PSME4: variants seen among roughly 807,000 people sequenced by gnomAD.
PSME4 encodes the protein proteasome activator subunit 4, also known as proteasome activator complex subunit 4.
A neutral mutation model predicts 253.9 loss-of-function variants in PSME4; 89 were observed. The ratio of observed to expected loss-of-function variants is 0.35; its 90% CI spans 0.30 to 0.42. The LOEUF (loss-of-function observed/expected upper bound fraction) is 0.42. Among genes scored for constraint, PSME4 ranks in the 10% least tolerant of loss-of-function variants. The probability of loss-of-function intolerance (pLI) is 1.00; values close to 1 mark genes in which losing one functional copy is unlikely to be tolerated. For missense variants in PSME4, 2,014 were observed against 2,195.2 expected (o/e 0.92, Z 1.65); for synonymous variants, 851 against 759.2 (o/e 1.12, Z -1.99).
chr2:53,968,400 C>T (rs550826457), intron 1 of PSME4, among the ~76,000 whole-genome samples: 1 of 152,256 alleles, frequency 6.6e-6, no homozygotes, highest in South Asian at 2.1e-4. Context: ...ATTTTCTTTT[C>T]ATTACCACTT....
At chr2:53,885,924 G>C (rs1378468733) in intron 40 of PSME4, 149 bp from the exon 41 acceptor site, 3 of 513,932 alleles carry the variant, frequency 5.8e-6, no homozygotes, top group Non-Finnish European at 1.0e-5. Context: ...TCATAAATTA[G>C]ACACTTATTA....
At chr2:53,874,196 G>A in intron 43 of PSME4, 143 bp downstream of exon 43, 1 of 797,396 alleles carries the variant, frequency 1.3e-6, no homozygotes, top group Non-Finnish European at 1.9e-6. Context: ...CTGGCATCAA[G>A]TGATCTCACT....
intron 3 of PSME4, among the ~76,000 whole-genome samples, chr2:53,944,661 A>G (rs1163925214): frequency 6.6e-6 from 1 of 152,200 alleles, no homozygotes; most frequent in East Asian, 1.9e-4. Flanking sequence ...TTGTAATTAC[A>G]TATCATCCAT....
chr2:53,934,839 G>C lies in PSME4; in HGVS notation c.835-112C>G. 9.7e-6 allele frequency: 8 copies of C among 828,452 alleles called. No individual in the cohort carries two copies. The South Asian group carries it at 1.6e-4, about 17-fold the overall frequency. The allele number at this position is 828,452 out of a possible 1,614,324, so 51.3% of individuals were successfully genotyped here. On this transcript the variant is annotated intron_variant, in intron 7 of 46. Transcript: ENST00000404125. ...AAGATATTTTCATTTTATCACAAGG[G>C]TTTTTAAGTGAAATTACATAGTATT...
rs559451605 is a variant in PSME4, at chr2:53,900,337, C to G, written c.3286-320G>C. Reference sequence around the variant, plus strand: ...ACTTTGGGAGGTCAAGGTGAGGGGACTGCTTGAGGCCATGAGTTTGAGACC... The same window carrying G: ...ACTTTGGGAGGTCAAGGTGAGGGGAGTGCTTGAGGCCATGAGTTTGAGACC... On this transcript the variant is annotated intron_variant, in intron 28 of 46. Transcript: ENST00000404125. 2.6e-5 allele frequency among the ~76,000 whole-genome samples: 4 copies of G among 151,544 alleles called. No homozygotes were observed. The East Asian group carries it at 7.8e-4, about 29-fold the overall frequency.
chr2:53,921,650 C>T (rs1299965308), intron 17 of PSME4, among the ~76,000 whole-genome samples: 1 of 142,672 alleles, frequency 7.0e-6, no homozygotes, highest in African/African-American at 2.5e-5. Flanking sequence ...GGGCGGATCA[C>T]GAGGTCAGGA....
intron 27 of PSME4, among the ~76,000 whole-genome samples, chr2:53,903,711 T>C (rs1680516591): frequency 6.6e-6 from 1 of 152,180 alleles, no homozygotes; most frequent in African/African-American, 2.4e-5. Context: ...ATTATTTTCC[T>C]CAGGAAAGTC....
chr2:53,866,962 A>C (rs953960994), intron 44 of PSME4, 82 bp from the exon 45 acceptor site: 4 of 1,357,048 alleles, frequency 2.9e-6, no homozygotes, highest in Admixed American at 2.2e-5. Context: ...TTAGTTTTCA[A>C]TTGTGTTGTT....
chr2:53,874,860 G>C (rs550619646), intron 42 of PSME4, among the ~76,000 whole-genome samples: 1 of 152,106 alleles, frequency 6.6e-6, no homozygotes, highest in African/African-American at 2.4e-5. Context: ...CAAGAGAATC[G>C]CATGAACCTG....
chr2:53,920,288 T>G lies in PSME4; in HGVS notation c.2325A>C (p.Glu775Asp), dbSNP rs1299443358. 6.2e-7 allele frequency: 1 copy of G among 1,613,918 alleles called. No individual in the cohort carries two copies. The highest frequency in any genetic ancestry group is 8.5e-7 in the Non-Finnish European group (1 of 1,179,890). ...LGIQWHVPSS[E>D]EVSFAFYLLD... ...AAAGATAAAAGGCAAAAGACACTTC[T>G]TCTGAAGAAGGAACATGCCACTGGA... The change falls in exon 19 of 47, where the codon GAA becomes GAC. Residue 775 changes from glutamate to aspartate, a missense_variant. Glu to Asp is a conservative substitution (Grantham distance 45, BLOSUM62 2). This residue lies in a region of PSME4 where 989 missense variants were observed against 1,021.1 expected (regional missense o/e 0.97). Transcript: ENST00000404125.
At chr2:53,929,151 G>A (rs1333186796) in intron 10 of PSME4, among the ~76,000 whole-genome samples, 1 of 132,346 alleles carries the variant, frequency 7.6e-6, no homozygotes, top group Non-Finnish European at 1.6e-5. Context: ...GGGCGACAGA[G>A]CAAGACTCTG....
At chr2:53,893,073 C>G (rs184922754) in intron 35 of PSME4, 113 bp from the exon 36 acceptor site, 7 of 795,988 alleles carry the variant, frequency 8.8e-6, no homozygotes, top group African/African-American at 3.5e-5. Flanking sequence ...AAGCACACTC[C>G]CCTTTAGAAC....
chr2:53,919,311 A>G, intron 19 of PSME4, 65 bp from the exon 20 acceptor site: 1 of 1,481,692 alleles, frequency 6.7e-7, no homozygotes, highest in Non-Finnish European at 9.0e-7. Context: ...GCTAGAGCCT[A>G]GCACAGAAGT....
chr2:53,877,464 A>G (rs1679189801), intron 41 of PSME4, among the ~76,000 whole-genome samples: 1 of 152,078 alleles, frequency 6.6e-6, no homozygotes, highest in Admixed American at 6.6e-5. Context: ...CAAATACTGG[A>G]CAAACTATCA....
intron 20 of PSME4, among the ~76,000 whole-genome samples, chr2:53,911,451 T>G (rs1667824336): frequency 6.6e-6 from 1 of 152,204 alleles, no homozygotes; most frequent in Admixed American, 6.5e-5. Context: ...AATATGTATG[T>G]ATCCAAAATC....
intron 1 of PSME4, among the ~76,000 whole-genome samples, chr2:53,952,408 G>A (rs1423247892): frequency 6.6e-6 from 1 of 152,136 alleles, no homozygotes; most frequent in Non-Finnish European, 1.5e-5. Context: ...TGGGCATGGT[G>A]GTGCGCGCCT....
Position 53,970,604 on chromosome 2 carries a change from G to A in PSME4, c.181C>T (p.Arg61Trp), listed in dbSNP as rs1396873974. ...CACAGCTCTTGGAGCTGCACGGCCC[G>A]GCCCAGGTTGCATTTGATCTGGGCC... The part of the protein sequence containing the change: ...QLAQIKCNLG[R>W]AVQLQELWPG... Residue 61 changes from arginine to tryptophan, a missense_variant, in exon 1 of 47, where the codon CGG (arginine) becomes TGG (tryptophan). Coordinates refer to ENST00000404125, the MANE Select transcript of PSME4 (RefSeq NM_014614.3). 4 of 1,549,330 alleles carry A rather than the reference G, an allele frequency of 2.6e-6. No homozygotes were observed. The South Asian group carries it at 3.6e-5, about 14-fold the overall frequency.
chr2:53,949,189 T>C lies in PSME4; in HGVS notation c.337A>G (p.Ile113Val), dbSNP rs1264283918. 9 of 1,611,416 alleles carry C rather than the reference T, an allele frequency of 5.6e-6. No homozygotes were observed. The highest frequency in any genetic ancestry group is 1.1e-5 in the South Asian group (1 of 90,350). Residue 113 changes from isoleucine (I) to valine (V), a missense_variant, in exon 2 of 47, where the codon ATC becomes GTC. Physicochemically the swap from Ile to Val is conservative, Grantham distance 29 (BLOSUM62 3). Transcript: ENST00000404125. ...YELVSIPKLE[I>V]SMMQGFARLL... is the part of the protein sequence containing the mutation. ...CGGGCAAATCCCTGCATCATGCTGA[T>C]TTCCAGTTTTGGAATTGATACCAGC...
At chr2:53,873,370 C>G (rs889679858) in intron 43 of PSME4, among the ~76,000 whole-genome samples, 2 of 151,898 alleles carry the variant, frequency 1.3e-5, no homozygotes, top group African/African-American at 2.4e-5. Context: ...TCCATTCCTA[C>G]TTTCCTGTGA....
Sources: gnomAD v4.1 joint callset for allele counts (sites outside exome capture counted in the v4.1 genomes callset) on GRCh38, gnomAD v4.1.1 for gene constraint, gnomAD v4.1.1 regional missense constraint, MANE v1.5 for transcripts, NCBI Gene and HGNC (gene_info 2026-07-23, HGNC 2026-07-21) for gene names.